Variants in USH2A observed in about 807,000 individuals in gnomAD.
USH2A encodes the protein usherin.
USH2A carries 443 observed loss-of-function variants against 538.9 expected under a neutral mutation model. That is an observed-to-expected ratio of 0.82 (90% CI 0.76 to 0.89). The LOEUF (loss-of-function observed/expected upper bound fraction) is 0.89. Ranked by LOEUF, USH2A falls within the 40% of genes least tolerant of loss-of-function variation. The pLI, the probability that USH2A is intolerant of heterozygous loss-of-function variation, is 0.00. For missense variants in USH2A, 6,633 were observed against 6,324.8 expected, an observed-to-expected ratio of 1.05 and a Z score of -1.65; for synonymous variants, 2,413 against 2,273.5, an observed-to-expected ratio of 1.06 and a Z score of -1.75.
intron 46 of USH2A, among the ~76,000 whole-genome samples, chr1:215,841,346 C>T (rs866206786): frequency 2.0e-5 from 3 of 152,032 alleles, no homozygotes; most frequent in South Asian, 4.1e-4. Context: ...CAAAAACAGA[C>T]ACATGGACCA....
intron 11 of USH2A, among the ~76,000 whole-genome samples, chr1:216,284,298 A>C (rs1017155180): frequency 6.6e-6 from 1 of 152,118 alleles, no homozygotes; most frequent in Non-Finnish European, 1.5e-5. Context: ...GAGATAATTG[A>C]ATCATGAGGG....
intron 69 of USH2A, 104 bp downstream of exon 69, chr1:215,639,050 GT>G: frequency 9.2e-7 from 1 of 1,084,066 alleles, no homozygotes. Context: ...CTTCTGTATA[GT>G]CTATGCTAAT....
intron 14 of USH2A, among the ~76,000 whole-genome samples, chr1:216,219,772 C>G (rs1329531022): frequency 6.6e-6 from 1 of 152,080 alleles, no homozygotes; most frequent in Admixed American, 6.6e-5. Flanking sequence ...ATGGGAAAAC[C>G]TCGCTTGCTA....
At chr1:216,134,341 A>T (rs540443402) in intron 21 of USH2A, among the ~76,000 whole-genome samples, 1 of 152,118 alleles carries the variant, frequency 6.6e-6, no homozygotes, top group Admixed American at 6.6e-5. Context: ...CCCAATACAC[A>T]TGGTGAAGAC....
At chr1:215,892,124 T>C (rs748315757) in intron 40 of USH2A, among the ~76,000 whole-genome samples, 1 of 152,154 alleles carries the variant, frequency 6.6e-6, no homozygotes, top group African/African-American at 2.4e-5. Context: ...CAGGTGTGTA[T>C]ATTGGAAAGG....
At chr1:216,069,895 T>G (rs1346183481) in intron 30 of USH2A, among the ~76,000 whole-genome samples, 2 of 152,174 alleles carry the variant, frequency 1.3e-5, no homozygotes, top group African/African-American at 4.8e-5. Flanking sequence ...AAATTATCCA[T>G]GAGAGCCCAT....
intron 3 of USH2A, among the ~76,000 whole-genome samples, chr1:216,376,320 A>G (rs1446116711): frequency 6.6e-6 from 1 of 152,178 alleles, no homozygotes; most frequent in Non-Finnish European, 1.5e-5. Context: ...CAAATGAATG[A>G]AGCTTCATCT....
chr1:216,000,273 C>G, intron 33 of USH2A, 130 bp downstream of exon 33: 1 of 1,285,646 alleles, frequency 7.8e-7, no homozygotes, highest in Non-Finnish European at 1.1e-6. Flanking sequence ...TTCCCAGATC[C>G]ACTGAACTAA....
intron 9 of USH2A, among the ~76,000 whole-genome samples, chr1:216,301,498 C>G (rs886283270): frequency 2.6e-5 from 4 of 152,158 alleles, no homozygotes; most frequent in Admixed American, 6.5e-5. Context: ...GCTTCAGGGA[C>G]CGAAAATAGT....
At chr1:216,268,979 T>G (rs915438056) in intron 11 of USH2A, among the ~76,000 whole-genome samples, 2 of 152,166 alleles carry the variant, frequency 1.3e-5, no homozygotes, top group Non-Finnish European at 2.9e-5. Context: ...TGATTGTTCT[T>G]TCTCTTCCAA....
intron 40 of USH2A, among the ~76,000 whole-genome samples, chr1:215,899,657 GT>G (rs1665439656): frequency 6.6e-6 from 1 of 152,130 alleles, no homozygotes; most frequent in Non-Finnish European, 1.5e-5. Context: ...AATGAAACCT[GT>G]TTCCAGGAAC....
intron 38 of USH2A, among the ~76,000 whole-genome samples, chr1:215,919,470 G>A (rs895258790): frequency 1.3e-5 from 2 of 152,068 alleles, no homozygotes; most frequent in Non-Finnish European, 2.9e-5. Context: ...CAGCTAGTAG[G>A]AGGGGGGAAA....
chr1:215,758,354 T>C (rs911127123), intron 58 of USH2A, among the ~76,000 whole-genome samples: 2 of 151,998 alleles, frequency 1.3e-5, no homozygotes, highest in Admixed American at 6.6e-5. Context: ...GTTGCTTTCA[T>C]AGAAAGCTGT....
chr1:215,715,063 G>A (rs1458958772), intron 61 of USH2A, among the ~76,000 whole-genome samples: 1 of 152,152 alleles, frequency 6.6e-6, no homozygotes, highest in East Asian at 1.9e-4. Flanking sequence ...TGCCATGGTG[G>A]TTTGCTGCAC....
chr1:215,666,438 T>C (rs1283003713), intron 64 of USH2A, among the ~76,000 whole-genome samples: 2 of 152,210 alleles, frequency 1.3e-5, no homozygotes, highest in Non-Finnish European at 2.9e-5. Flanking sequence ...TCAATGATCA[T>C]CATGTAAATT....
chr1:215,952,310 C>T (rs1666941654), intron 37 of USH2A, among the ~76,000 whole-genome samples: 1 of 152,198 alleles, frequency 6.6e-6, no homozygotes, highest in South Asian at 2.1e-4. Context: ...ATACAGGACA[C>T]TGATGGGTCT....
chr1:216,046,437 C>T lies in USH2A; in HGVS notation c.6319G>A (p.Val2107Ile). ...ATAACTCTAGAGGTCTTACCTGTGA[C>T]TATGTAGTTCTCCTCACTGCCTGAA... ...IYSGSEENYI[V>I]TDLAVFTPHQ... Residue 2107 changes from valine to isoleucine, a missense_variant, in exon 32 of 72, where the codon GTC becomes ATC. Transcript: ENST00000307340. The T allele has an allele frequency of 6.2e-7, 1 of 1,613,442 alleles. No individual in the cohort carries two copies. The highest frequency in any genetic ancestry group is 1.1e-5 in the South Asian group (1 of 91,068).
chr1:216,165,488 TA>T (rs1466946361), intron 21 of USH2A, among the ~76,000 whole-genome samples: 1 of 152,186 alleles, frequency 6.6e-6, no homozygotes, highest in Non-Finnish European at 1.5e-5. Flanking sequence ...CTATACAGTT[TA>T]AAATGTATTT....
chr1:216,247,149 A>G lies in USH2A; in HGVS notation c.2245T>C (p.Cys749Arg). 6.2e-7 allele frequency: 1 copy of G among 1,614,100 alleles called. No homozygotes were observed. The highest frequency in any genetic ancestry group is 2.2e-5 in the East Asian group (1 of 44,872). The change falls in exon 13 of 72, where the codon TGT (cysteine) becomes CGT (arginine). Residue 749 changes from cysteine to arginine, a missense_variant. By Grantham distance (180) the Cys-to-Arg change is radical. Coordinates refer to ENST00000307340, the MANE Select transcript of USH2A (RefSeq NM_206933.4). ...FNDVGCEPCQ[C>R]NLHGSVNKFC... The stretch of plus-strand genomic sequence containing the variant: ...TTGTTCACTGAGCCATGGAGGTTAC[A>G]CTGGCAGGGCTCACATCCAACATCA...
Sources: allele counts gnomAD v4.1 joint callset (sites outside exome capture counted in the v4.1 genomes callset), GRCh38; gene constraint gnomAD v4.1.1; transcripts MANE v1.5; gene names NCBI Gene and HGNC (gene_info 2026-07-23, HGNC 2026-07-21).